Variants in TDRD5 observed in about 807,000 individuals in gnomAD.
The protein encoded by TDRD5 is tudor domain containing 5.
TDRD5 carries 41 observed loss-of-function variants against 120.6 expected under a neutral mutation model. The observed-to-expected ratio is 0.34, with a 90% CI of 0.26 to 0.44. The LOEUF is 0.44. TDRD5 is among the 20% of genes least tolerant of loss of function. TDRD5 has a pLI of 1.00. For missense variants in TDRD5, 1,006 were observed against 1,221.2 expected (o/e 0.82, Z 2.63); for synonymous variants, 430 against 433.7 (o/e 0.99, Z 0.11).
chr1:179,645,103 T>C (rs1262559507), intron 11 of TDRD5, among the ~76,000 whole-genome samples: 7 of 112,202 alleles, frequency 6.2e-5, no homozygotes, highest in African/African-American at 2.0e-4. Flanking sequence ...TTTTTTTTTT[T>C]GAGACGGAGT....
intron 14 of TDRD5, among the ~76,000 whole-genome samples, chr1:179,660,386 AT>A (rs201358944): frequency 1.3e-5 from 2 of 150,424 alleles, no homozygotes; most frequent in East Asian, 2.0e-4. Flanking sequence ...CACCTGGCTA[AT>A]TTTTTTTTAT....
intron 4 of TDRD5, among the ~76,000 whole-genome samples, chr1:179,599,103 T>C (rs774695579): frequency 6.6e-6 from 1 of 152,126 alleles, no homozygotes; most frequent in Non-Finnish European, 1.5e-5. Context: ...TCTTTCTCCA[T>C]ACATTGAAAT....
chr1:179,598,802 C>G (rs906275389), intron 4 of TDRD5, among the ~76,000 whole-genome samples: 1 of 151,864 alleles, frequency 6.6e-6, no homozygotes, highest in Non-Finnish European at 1.5e-5. Flanking sequence ...CTGCATAGAC[C>G]GTCATGCCAT....
intron 17 of TDRD5, among the ~76,000 whole-genome samples, chr1:179,687,616 T>C (rs1680799179): frequency 6.6e-6 from 1 of 152,150 alleles, no homozygotes; most frequent in Non-Finnish European, 1.5e-5. Flanking sequence ...TTCTGTCTCA[T>C]TGATCTGTCT....
chr1:179,610,239 A>G (rs933910821), intron 4 of TDRD5, among the ~76,000 whole-genome samples: 1 of 152,200 alleles, frequency 6.6e-6, no homozygotes, highest in Non-Finnish European at 1.5e-5. Context: ...CTACCAAGAA[A>G]GAGTGTTCAT....
intron 7 of TDRD5, among the ~76,000 whole-genome samples, chr1:179,633,954 G>A (rs1057059345): frequency 2.6e-5 from 4 of 151,676 alleles, no homozygotes; most frequent in South Asian, 2.1e-4. Flanking sequence ...GGCAGATCAC[G>A]AGGTCAGGAG....
intron 4 of TDRD5, among the ~76,000 whole-genome samples, chr1:179,605,262 C>A (rs1675911156): frequency 1.3e-5 from 2 of 152,074 alleles, no homozygotes; most frequent in African/African-American, 4.8e-5. Flanking sequence ...TTATGTGAGT[C>A]CTTATGTGTT....
At chr1:179,636,942 C>T (rs778059887) in intron 9 of TDRD5, among the ~76,000 whole-genome samples, 1 of 152,144 alleles carries the variant, frequency 6.6e-6, no homozygotes, top group Non-Finnish European at 1.5e-5. Context: ...ATGGCTAGTT[C>T]GTCTTCCAGG....
At chr1:179,684,268 A>T (rs966140802) in intron 17 of TDRD5, among the ~76,000 whole-genome samples, 2 of 152,070 alleles carry the variant, frequency 1.3e-5, no homozygotes, top group African/African-American at 4.8e-5. Flanking sequence ...TCATTGTTCA[A>T]TTCCCACCTA....
In TDRD5 at chr1:179,630,878, G is replaced by A. The variant is rs904404038; in HGVS notation, c.1084G>A (p.Asp362Asn). Reference protein sequence around the residue: ...LHVEFRKGHQDLLVFDADKKP... With the variant: ...LHVEFRKGHQNLLVFDADKKP... ...TGTTGAGTTCAGGAAAGGACACCAA[G>A]ACTTACTAGTGTTTGATGCGGATAA... is the stretch of plus-strand genomic sequence containing the variant. Residue 362 changes from aspartate to asparagine, a missense_variant, in exon 7 of 18, where the codon GAC becomes AAC. Around this residue, in one of 3 missense-constraint regions of TDRD5, gnomAD observed 445 missense variants for 515.5 expected, o/e 0.86. Coordinates refer to ENST00000444136, the MANE Select transcript of TDRD5 (RefSeq NM_001199085.3). 1 of 1,613,848 alleles carries A rather than the reference G, an allele frequency of 6.2e-7. No individual in the cohort carries two copies. The highest frequency in any genetic ancestry group is 8.5e-7 in the Non-Finnish European group (1 of 1,179,880).
At chr1:179,670,346 C>T (rs1289098807) in intron 17 of TDRD5, among the ~76,000 whole-genome samples, 5 of 150,996 alleles carry the variant, frequency 3.3e-5, no homozygotes, top group Admixed American at 6.6e-5. Flanking sequence ...GAGCCGAGAT[C>T]GTGCCACTAC....
At chr1:179,628,169 AAAC>A (rs1247262047) in intron 6 of TDRD5, among the ~76,000 whole-genome samples, 4 of 152,314 alleles carry the variant, frequency 2.6e-5, no homozygotes, top group Non-Finnish European at 4.4e-5. Context: ...GACTTTGAGA[AAAC>A]AAAATCATGT....
intron 17 of TDRD5, among the ~76,000 whole-genome samples, chr1:179,679,732 C>T (rs1680325187): frequency 6.6e-6 from 1 of 150,560 alleles, no homozygotes; most frequent in Admixed American, 6.6e-5. Context: ...AGAGGTTTTT[C>T]CCCCCGATCT....
chr1:179,625,747 T>G (rs1339374834), intron 6 of TDRD5, among the ~76,000 whole-genome samples: 1 of 152,216 alleles, frequency 6.6e-6, no homozygotes, highest in Non-Finnish European at 1.5e-5. Flanking sequence ...GAAATAAGCC[T>G]ACTATTCATC....
chr1:179,688,110 C>T (rs1438956173), intron 17 of TDRD5, among the ~76,000 whole-genome samples: 10 of 151,556 alleles, frequency 6.6e-5, no homozygotes, highest in East Asian at 1.9e-4. Flanking sequence ...GTTATTTTGC[C>T]CGTTAGTTGA....
intron 7 of TDRD5, 139 bp downstream of exon 7, chr1:179,631,059 AAT>A: frequency 1.1e-6 from 1 of 940,676 alleles, no homozygotes; most frequent in Non-Finnish European, 1.6e-6. Context: ...TAATAAGGTT[AAT>A]CTGTATTGTT....
rs146075969 is a variant in TDRD5 at position 179,597,307 on chromosome 1, A to G, written c.831+1489A>G. Among the ~76,000 whole-genome samples the G allele has an allele frequency of 4.1e-3, 594 of 143,800 alleles. 8 individuals carry two copies. The highest frequency in any genetic ancestry group is 0.015 in the African/African-American group (582 of 39,282). 94.3% of individuals were successfully genotyped at this position (143,800 alleles called of 152,430 possible). A position where few individuals can be genotyped will look rare whatever the true frequency, so the allele number is the denominator to read the frequency against. On this transcript the variant is annotated intron_variant, in intron 4 of 17. Coordinates refer to ENST00000444136, the MANE Select transcript of TDRD5 (RefSeq NM_001199085.3). ...AATTTTGATACAGTCTAATTTATTC[A>G]TATTTTTCTTTCTTTTCTTTTTTTC...
rs1677405205 is a variant in TDRD5 at position 179,630,915 on chromosome 1, C to A, written c.1121C>A (p.Pro374Gln). The change falls in exon 7 of 18, where the codon CCA becomes CAA. Residue 374 changes from proline to glutamine, a missense_variant. Physicochemically the swap from Pro to Gln is moderately conservative, Grantham distance 76. Around this residue, in one of 3 missense-constraint regions of TDRD5, gnomAD observed 445 missense variants for 515.5 expected, o/e 0.86. Coordinates refer to ENST00000444136, the MANE Select transcript of TDRD5 (RefSeq NM_001199085.3). ...LVFDADKKPLPPVQSDKKIEA... is the reference protein window; with the variant it reads ...LVFDADKKPLQPVQSDKKIEA... ...TTTGATGCGGATAAGAAGCCTCTAC[C>A]ACCTGGTGAGTGGAACCACAGTATG... 1 of 1,612,018 alleles carries A rather than the reference C, an allele frequency of 6.2e-7. No homozygotes were observed. The highest frequency in any genetic ancestry group is 1.7e-5 in the Admixed American group (1 of 59,592).
At chr1:179,631,943 G>C (rs112524358) in intron 7 of TDRD5, among the ~76,000 whole-genome samples, 2 of 132,750 alleles carry the variant, frequency 1.5e-5, no homozygotes, top group African/African-American at 5.7e-5. Context: ...TTCTTACGCT[G>C]TCCCCCAGGC....
Sources: allele counts gnomAD v4.1 joint callset (sites outside exome capture counted in the v4.1 genomes callset), GRCh38; gene constraint gnomAD v4.1.1; regional missense constraint gnomAD v4.1.1; transcripts MANE v1.5; gene names NCBI Gene and HGNC (gene_info 2026-07-23, HGNC 2026-07-21).